The following CSMD1 variants were observed in gnomAD, a reference collection of about 807,000 sequenced individuals.
The protein encoded by CSMD1 is CUB and sushi domain-containing protein 1.
CSMD1 carries 213 observed loss-of-function variants against 417.5 expected under a neutral mutation model. That is an observed-to-expected ratio of 0.51 (90% confidence interval 0.46 to 0.57). The LOEUF is 0.57. CSMD1 is among the 20% of genes least tolerant of loss of function. CSMD1 has a pLI of 0.00. For missense variants in CSMD1, 6,923 were observed against 4,529.7 expected (o/e 1.53, Z -15.17); for synonymous variants, 2,862 against 1,736.8 (o/e 1.65, Z -16.11).
At chr8:4,626,165 T>C (rs1802098113) in intron 2 of CSMD1, among the ~76,000 whole-genome samples, 1 of 152,114 alleles carries the variant, frequency 6.6e-6, no homozygotes, top group South Asian at 2.1e-4. Flanking sequence ...TTTAGGAAGT[T>C]TTCAGCAGGC....
At chr8:3,564,299 C>A (rs1157971863) in intron 10 of CSMD1, among the ~76,000 whole-genome samples, 1 of 150,940 alleles carries the variant, frequency 6.6e-6, no homozygotes, top group Non-Finnish European at 1.5e-5. Flanking sequence ...GGAGTAAATC[C>A]TGTAAACTTT....
intron 18 of CSMD1, among the ~76,000 whole-genome samples, chr8:3,377,934 G>A (rs1810410805): frequency 6.6e-6 from 1 of 152,130 alleles, no homozygotes; most frequent in African/African-American, 2.4e-5. Flanking sequence ...ACTTTATGGA[G>A]CTGAATATTA....
chr8:4,389,775 A>T (rs1394188961), intron 3 of CSMD1, among the ~76,000 whole-genome samples: 1 of 152,118 alleles, frequency 6.6e-6, no homozygotes, highest in East Asian at 1.9e-4. Flanking sequence ...TTTATTTTTG[A>T]AACCTATTAA....
chr8:4,105,403 G>A (rs369341229), intron 3 of CSMD1, among the ~76,000 whole-genome samples: 1 of 152,016 alleles, frequency 6.6e-6, no homozygotes, highest in Admixed American at 6.6e-5. Context: ...TTATAGAAAA[G>A]TATTTTTAGG....
At chr8:3,542,838 C>A (rs530714054) in intron 10 of CSMD1, among the ~76,000 whole-genome samples, 1 of 152,204 alleles carries the variant, frequency 6.6e-6, no homozygotes, top group Non-Finnish European at 1.5e-5. Context: ...CCCTGGGGTA[C>A]AAAGCCCAGG....
At chr8:3,513,408 C>A (rs757159101) in intron 10 of CSMD1, among the ~76,000 whole-genome samples, 1 of 151,152 alleles carries the variant, frequency 6.6e-6, no homozygotes, top group African/African-American at 2.4e-5. Context: ...CTCACTGCAA[C>A]CTCTGCCTCC....
At chr8:3,416,405 G>C (rs1813155584) in intron 12 of CSMD1, among the ~76,000 whole-genome samples, 1 of 150,386 alleles carries the variant, frequency 6.6e-6, no homozygotes, top group Admixed American at 6.6e-5. Context: ...AAGAGAAATA[G>C]AGAAAAAGAA....
intron 49 of CSMD1, among the ~76,000 whole-genome samples, chr8:3,060,937 G>C (rs1029923979): frequency 2.0e-5 from 3 of 152,162 alleles, no homozygotes; most frequent in Non-Finnish European, 4.4e-5. Flanking sequence ...TGAAGTGTCT[G>C]TCAATTTCAG....
chr8:3,586,088 C>A (rs1800586301), intron 9 of CSMD1, 48 bp downstream of exon 9: 5 of 1,577,784 alleles, frequency 3.2e-6, no homozygotes, highest in Non-Finnish European at 4.3e-6. Flanking sequence ...AAAATGCCAA[C>A]CTTAAAGAAA....
chr8:3,653,024 C>T (rs1237319352), intron 7 of CSMD1, among the ~76,000 whole-genome samples: 3 of 151,938 alleles, frequency 2.0e-5, no homozygotes, highest in Non-Finnish European at 4.4e-5. Context: ...TACTAGAAGC[C>T]AATAAAAGAC....
Position 3,804,177 on chromosome 8 carries a change from C to G in CSMD1, c.819-50135G>C, listed in dbSNP as rs1206348433. 3.3e-5 allele frequency among the ~76,000 whole-genome samples: 5 copies of G among 152,036 alleles called. No individual in the cohort carries two copies. In the East Asian group the frequency reaches 9.7e-4, roughly 29 times the overall value. The stretch of plus-strand genomic sequence containing the variant: ...GAACTCCCGACCCCAGGTGATCTGC[C>G]CACCTCAGCCTCCAGAAGTGTTGGG... On this transcript the variant is annotated intron_variant, in intron 5 of 69. Coordinates refer to ENST00000635120, the MANE Select transcript of CSMD1 (RefSeq NM_033225.6).
At chr8:3,110,378 T>C (rs1816431302) in intron 42 of CSMD1, 43 bp from the exon 43 acceptor site, 2 of 1,510,950 alleles carry the variant, frequency 1.3e-6, no homozygotes, top group Non-Finnish European at 8.9e-7. Flanking sequence ...TACAGCTGAT[T>C]TTAGAGAGTA....
At chr8:4,159,897 C>G (rs1379612859) in intron 3 of CSMD1, among the ~76,000 whole-genome samples, 1 of 151,494 alleles carries the variant, frequency 6.6e-6, no homozygotes, top group South Asian at 2.1e-4. Context: ...TATGAGGATG[C>G]AAAGGCTTAA....
At chr8:4,163,419 G>C (rs1290617970) in intron 3 of CSMD1, among the ~76,000 whole-genome samples, 1 of 152,018 alleles carries the variant, frequency 6.6e-6, no homozygotes, top group East Asian at 1.9e-4. Context: ...TATGGATTTT[G>C]GCCAATTTCT....
chr8:2,998,352 C>A (rs985650029), intron 53 of CSMD1, among the ~76,000 whole-genome samples, 168 bp from the exon 54 acceptor site: 1 of 152,176 alleles, frequency 6.6e-6, no homozygotes, highest in African/African-American at 2.4e-5. Flanking sequence ...ATATTGGGAG[C>A]TACAACCACA....
At chr8:3,039,321 C>T (rs11995529) in intron 50 of CSMD1, among the ~76,000 whole-genome samples, 37,538 of 141,406 alleles carry the variant, frequency 0.27, 4,859 homozygotes, top group East Asian at 0.42. Context: ...TCCCTTCCTT[C>T]TTTTCCTTTC....
chr8:3,550,151 T>C (rs999417041), intron 10 of CSMD1, among the ~76,000 whole-genome samples: 9 of 152,124 alleles, frequency 5.9e-5, no homozygotes, highest in African/African-American at 2.2e-4. Flanking sequence ...GGCCTCAAAA[T>C]CTAGGAGCCA....
intron 6 of CSMD1, among the ~76,000 whole-genome samples, chr8:3,751,611 C>G (rs943010177): frequency 1.3e-5 from 2 of 151,110 alleles, no homozygotes; most frequent in African/African-American, 4.8e-5. Context: ...TTTATATACT[C>G]TATATAATAC....
intron 1 of CSMD1, among the ~76,000 whole-genome samples, chr8:4,844,489 A>G (rs1045910385): frequency 6.6e-6 from 1 of 152,062 alleles, no homozygotes; most frequent in Non-Finnish European, 1.5e-5. Context: ...AACAGCCTCA[A>G]TCAGCACTCT....
Sources: allele counts gnomAD v4.1 joint callset (sites outside exome capture counted in the v4.1 genomes callset), GRCh38; gene constraint gnomAD v4.1.1; transcripts MANE v1.5; gene names NCBI Gene and HGNC (gene_info 2026-07-23, HGNC 2026-07-21).